Variants in PDP1 observed in about 807,000 individuals in gnomAD.
PDP1 encodes pyruvate dehyrogenase phosphatase catalytic subunit 1.
Under a neutral mutation model 37.1 loss-of-function variants are expected in PDP1, and 14 were observed. That is an observed-to-expected ratio of 0.38 (90% CI 0.25 to 0.59). The LOEUF (loss-of-function observed/expected upper bound fraction) is 0.59, where lower values mean the gene tolerates loss of function less well. PDP1 is among the 20% of genes least tolerant of loss of function. The probability of loss-of-function intolerance (pLI) is 0.67; values close to 1 mark genes in which losing one functional copy is unlikely to be tolerated. For missense variants in PDP1, 544 were observed against 655.3 expected (o/e 0.83, Z 1.85); for synonymous variants, 251 against 243.3 (o/e 1.03, Z -0.29).
Position 93,922,216 on chromosome 8 carries a change from G to A in PDP1, c.157G>A (p.Ala53Thr). 1.9e-6 allele frequency: 3 copies of A among 1,614,152 alleles called. No individual in the cohort carries two copies. Among genetic ancestry groups the A allele is most frequent in the Non-Finnish European group, 2.5e-6 (3 of 1,179,992 alleles). ...RLRYTPHPAY[A>T]TFCRPKENWW... The stretch of plus-strand genomic sequence containing the variant: ...GAGATACACACCTCATCCAGCATAT[G>A]CTACCTTTTGCAGGCCAAAGGAGAA... The change falls in exon 2 of 2, where the codon GCT (alanine) becomes ACT (threonine). Residue 53 changes from alanine to threonine, a missense_variant. Coordinates refer to ENST00000297598, the MANE Select transcript of PDP1 (RefSeq NM_018444.4). This position sits in a 1 kb window ranked among gnomAD's most constrained non-coding sequence, Gnocchi z 4.0.
In PDP1 at chr8:93,923,129, A is replaced by T. The variant is rs1586157492; in HGVS notation, c.1070A>T (p.Lys357Met). 1.2e-6 allele frequency: 2 copies of T among 1,614,256 alleles called. No homozygotes were observed. Among genetic ancestry groups the T allele is most frequent in the Non-Finnish European group, 1.7e-6 (2 of 1,180,048 alleles). ...CCATTTAGGGCATTTGGAGATGTAA[A>T]GTTCAAATGGAGCATTGACCTTCAA... ...LMPFRAFGDV[K>M]FKWSIDLQKR... The change falls in exon 2 of 2, where the codon AAG becomes ATG. Residue 357 changes from lysine (K) to methionine (M), a missense_variant. By Grantham distance (95) the Lys-to-Met change is moderately conservative (BLOSUM62 -1). Transcript: ENST00000297598. The surrounding 1 kb of genome is among the most constrained non-coding windows in gnomAD (Gnocchi z 4.3).
intron 1 of PDP1, chr8:93,920,957 A>G (rs1251739187): frequency 9.1e-6 from 9 of 983,970 alleles, no homozygotes; most frequent in Non-Finnish European, 8.4e-6. Context: ...AAATACTTCT[A>G]TGGGTTTTCC....
rs1354080949 is a variant in PDP1, at chr8:93,923,597, T to C, written c.1538T>C (p.Met513Thr). The stretch of plus-strand genomic sequence containing the variant: ...AGTCTTCCTGAAGAGCTTGCTCGAA[T>C]GTACAGAGATGACATTACAATCATT... ...MLSLPEELAR[M>T]YRDDITIIVV... Residue 513 changes from methionine to threonine, a missense_variant, in exon 2 of 2, where the codon ATG (methionine) becomes ACG (threonine). Around this residue, in one of 5 missense-constraint regions of PDP1, gnomAD observed 159 missense variants for 165.5 expected, o/e 0.96. Transcript: ENST00000297598. This position sits in a 1 kb window ranked among gnomAD's most constrained non-coding sequence, Gnocchi z 4.3. The C allele has an allele frequency of 1.9e-6, 3 of 1,614,136 alleles. No individual in the cohort carries two copies. In the Admixed American group the frequency reaches 5.0e-5, roughly 27 times the overall value.
At chr8:93,920,912 A>G (rs1046214803) in intron 1 of PDP1, 2 of 970,598 alleles carry the variant, frequency 2.1e-6, no homozygotes, top group Non-Finnish European at 2.4e-6. Flanking sequence ...ACATTTTTCT[A>G]GGGGTTAATT....
rs1417120218 is a variant in PDP1, at chr8:93,919,502, C to A, written c.-45+2423C>A. Among the ~76,000 whole-genome samples, 170 of 137,010 alleles carry A rather than the reference C, an allele frequency of 1.2e-3. 1 individual carries two copies. Among genetic ancestry groups the A allele is most frequent in the African/African-American group, 3.8e-3 (143 of 37,696 alleles). 89.9% of individuals were successfully genotyped at this position (137,010 alleles called of 152,430 possible). On this transcript the variant is annotated intron_variant, in intron 1 of 1. Transcript: ENST00000297598. Reference sequence around the variant, plus strand: ...CTCCCCCCGCTGCCCTCCCTCCCCCCCCCCGGCAAAAAAATGTCGAAGCAA... The same window carrying A: ...CTCCCCCCGCTGCCCTCCCTCCCCCACCCCGGCAAAAAAATGTCGAAGCAA...
chr8:93,917,156 G>A (rs1295323913), intron 1 of PDP1, 77 bp downstream of exon 1: 14 of 416,920 alleles, frequency 3.4e-5, no homozygotes, highest in South Asian at 2.1e-4. Context: ...AGGGGGCGCC[G>A]GGCGTGCTCG....
At position 93,922,604 on chromosome 8, in the gene PDP1, G is replaced by C. The variant is rs1810314386; in HGVS notation, c.545G>C (p.Ser182Thr). The C allele has an allele frequency of 6.2e-7, 1 of 1,613,986 alleles. No individual in the cohort carries two copies. The highest frequency in any genetic ancestry group is 8.5e-7 in the Non-Finnish European group (1 of 1,180,036). ...TLLEIENAVE[S>T]GRALLPILQW... The stretch of plus-strand genomic sequence containing the variant: ...CTAGAGATTGAAAATGCAGTGGAGA[G>C]CGGCCGGGCACTGCTACCCATTCTC... Residue 182 changes from serine to threonine, a missense_variant, in exon 2 of 2, where the codon AGC (serine) becomes ACC (threonine). Physicochemically the swap from Ser to Thr is moderately conservative, Grantham distance 58. Transcript: ENST00000297598. The surrounding 1 kb of genome is among the most constrained non-coding windows in gnomAD (Gnocchi z 4.0).
chr8:93,923,764 T>C lies in PDP1; in HGVS notation c.*91T>C. ...TACTACTATAATAAACATTTCCAGTTGGTCATTCTAAGCATTTACCCTTTT... is the reference window on the plus strand; with the variant it reads ...TACTACTATAATAAACATTTCCAGTCGGTCATTCTAAGCATTTACCCTTTT... On this transcript the variant is annotated 3_prime_UTR_variant, in exon 2 of 2. Coordinates refer to ENST00000297598, the MANE Select transcript of PDP1 (RefSeq NM_018444.4). This position sits in a 1 kb window ranked among gnomAD's most constrained non-coding sequence, Gnocchi z 4.3. 1 of 1,096,806 alleles carries C rather than the reference T, an allele frequency of 9.1e-7. No homozygotes were observed. The highest frequency in any genetic ancestry group is 1.4e-6 in the Non-Finnish European group (1 of 713,808). The allele number at this position is 1,096,806 out of a possible 1,614,324, so 67.9% of individuals were successfully genotyped here.
At chr8:93,917,794 CCCG>C in intron 1 of PDP1, 2 of 1,581,860 alleles carry the variant, frequency 1.3e-6, no homozygotes, top group Non-Finnish European at 1.7e-6. Flanking sequence ...CTCCCGCCTC[CCCG>C]CCGCCGCCTC....
intron 1 of PDP1, among the ~76,000 whole-genome samples, chr8:93,921,538 T>C (rs545900300): frequency 5.6e-4 from 85 of 152,346 alleles, no homozygotes; most frequent in African/African-American, 2.0e-3. Context: ...TGTGTAATCA[T>C]GCCAAAAATT....
Position 93,922,343 on chromosome 8 carries a change from G to C in PDP1, c.284G>C (p.Ser95Thr). The change falls in exon 2 of 2, where the codon AGT (serine) becomes ACT (threonine). Residue 95 changes from serine (S) to threonine (T), a missense_variant. Physicochemically the swap from Ser to Thr is moderately conservative, Grantham distance 58 (BLOSUM62 1). This residue lies in a region of PDP1 where 342 missense variants were observed against 414.0 expected (regional missense o/e 0.83). Coordinates refer to ENST00000297598, the MANE Select transcript of PDP1 (RefSeq NM_018444.4). The surrounding 1 kb of genome is among the most constrained non-coding windows in gnomAD (Gnocchi z 4.0). ...VNSILKANEYSFKVPEFDGKN... is the reference protein window; with the variant it reads ...VNSILKANEYTFKVPEFDGKN... ...AGCATCCTTAAAGCTAATGAATACA[G>C]TTTCAAAGTGCCAGAATTTGACGGC... is the stretch of plus-strand genomic sequence containing the variant. 1 of 1,614,192 alleles carries C rather than the reference G, an allele frequency of 6.2e-7. No individual in the cohort carries two copies. Among genetic ancestry groups the C allele is most frequent in the Non-Finnish European group, 8.5e-7 (1 of 1,180,028 alleles).
At position 93,923,494 on chromosome 8, in the gene PDP1, G is replaced by T; in HGVS notation, c.1435G>T (p.Ala479Ser). 1.2e-6 allele frequency: 2 copies of T among 1,605,668 alleles called. No homozygotes were observed. The highest frequency in any genetic ancestry group is 1.7e-6 in the Non-Finnish European group (2 of 1,173,062). Residue 479 changes from alanine (A) to serine (S), a missense_variant, in exon 2 of 2, where the codon GCA becomes TCA. Physicochemically the swap from Ala to Ser is moderately conservative, Grantham distance 99. Around this residue, in one of 5 missense-constraint regions of PDP1, gnomAD observed 159 missense variants for 165.5 expected, o/e 0.96. Transcript: ENST00000297598. The surrounding 1 kb of genome is among the most constrained non-coding windows in gnomAD (Gnocchi z 4.3). ...CTCGGTATTTGAGGATCAGAACGCA[G>T]CAACCCATCTCATTCGCCACGCTGT... The part of the protein sequence containing the change: ...MSSVFEDQNA[A>S]THLIRHAVGN...
At chr8:93,921,202 C>A in intron 1 of PDP1, 1 of 973,294 alleles carries the variant, frequency 1.0e-6, no homozygotes, top group East Asian at 1.1e-4. Flanking sequence ...TAGATAGCAT[C>A]TGCTCTGTTG....
At chr8:93,917,986 G>T in intron 1 of PDP1, 1 of 1,611,796 alleles carries the variant, frequency 6.2e-7, no homozygotes, top group Non-Finnish European at 8.5e-7. Flanking sequence ...TACCCAGGAA[G>T]GATGGTGACA....
intron 1 of PDP1, chr8:93,921,190 C>CT (rs910271671): frequency 2.0e-6 from 2 of 979,984 alleles, no homozygotes; most frequent in African/African-American, 3.5e-5. Flanking sequence ...CTAGAAGAGC[C>CT]TTAGATAGCA....
At chr8:93,919,143 CGTAA>C (rs990418118) in intron 1 of PDP1, 1 of 981,018 alleles carries the variant, frequency 1.0e-6, no homozygotes, top group African/African-American at 1.8e-5. Context: ...GATGTTTGAA[CGTAA>C]GTATTGTTAA....
chr8:93,917,631 C>G, intron 1 of PDP1: 1 of 563,352 alleles, frequency 1.8e-6, no homozygotes, highest in Non-Finnish European at 3.1e-6. Context: ...GCCTGGGCCC[C>G]GCTGCCTTGG....
rs373312221 is a variant in PDP1, at chr8:93,917,638, T to G, written c.-45+559T>G. On this transcript the variant is annotated intron_variant, in intron 1 of 1. Transcript: ENST00000297598. Reference sequence around the variant, plus strand: ...CTGCTCGCGCCTGGGCCCCGCTGCCTTGGGCTGTGGCTTTGCCTCCCCGGC... The same window carrying G: ...CTGCTCGCGCCTGGGCCCCGCTGCCGTGGGCTGTGGCTTTGCCTCCCCGGC... The G allele has an allele frequency of 8.0e-5, 48 of 602,380 alleles. No individual in the cohort carries two copies. The East Asian group carries it at 1.4e-3, about 17-fold the overall frequency. The allele number at this position is 602,380 out of a possible 1,614,324, so 37.3% of individuals were successfully genotyped here. A position where few individuals can be genotyped will look rare whatever the true frequency, so the allele number is the denominator to read the frequency against.
intron 1 of PDP1, among the ~76,000 whole-genome samples, chr8:93,920,338 A>T (rs562941501): frequency 6.6e-6 from 1 of 152,140 alleles, no homozygotes; most frequent in Non-Finnish European, 1.5e-5. Context: ...ACATGCTATG[A>T]TATTTGTTTA....
Sources: allele counts gnomAD v4.1 joint callset (sites outside exome capture counted in the v4.1 genomes callset), GRCh38; gene constraint gnomAD v4.1.1; regional missense constraint gnomAD v4.1.1; non-coding constraint Gnocchi (gnomAD v3.1); transcripts MANE v1.5; gene names NCBI Gene and HGNC (gene_info 2026-07-23, HGNC 2026-07-21).